Variants in SLC35F1 observed in about 807,000 individuals in gnomAD.
The protein encoded by SLC35F1 is solute carrier family 35 member F1, also known as chromosome 6 open reading frame 169.
A neutral mutation model predicts 48.7 loss-of-function variants in SLC35F1; 14 were observed. The observed-to-expected ratio is 0.29, with a 90% CI of 0.19 to 0.45. The LOEUF (loss-of-function observed/expected upper bound fraction) is 0.45, where lower values mean the gene tolerates loss of function less well. SLC35F1 is among the 20% of genes least tolerant of loss of function. SLC35F1 has a pLI of 1.00. For missense variants in SLC35F1, 404 were observed against 500.0 expected (o/e 0.81, Z 1.83); for synonymous variants, 190 against 202.2 (o/e 0.94, Z 0.51).
At chr6:118,259,166 A>T in intron 3 of SLC35F1, among the ~76,000 whole-genome samples, 1 of 152,034 alleles carries the variant, frequency 6.6e-6, no homozygotes, top group Middle Eastern at 3.4e-3. Flanking sequence ...CAGTAATCAC[A>T]TAACAAATTT....
chr6:117,958,009 A>G (rs559863904), intron 1 of SLC35F1, among the ~76,000 whole-genome samples: 22 of 152,280 alleles, frequency 1.4e-4, no homozygotes, highest in African/African-American at 4.8e-4. Flanking sequence ...CAGCTCTATG[A>G]GTGTTATTGC....
At chr6:118,001,535 C>G (rs927235462) in intron 1 of SLC35F1, among the ~76,000 whole-genome samples, 1 of 152,128 alleles carries the variant, frequency 6.6e-6, no homozygotes, top group African/African-American at 2.4e-5. Flanking sequence ...AGGACATAGG[C>G]ATGGGCAAGG....
At chr6:118,066,740 CTT>C (rs778659612) in intron 1 of SLC35F1, among the ~76,000 whole-genome samples, 2 of 125,136 alleles carry the variant, frequency 1.6e-5, no homozygotes, top group Admixed American at 8.3e-5. Flanking sequence ...GGCAGTAGTT[CTT>C]TTTTTTTTTT....
intron 1 of SLC35F1, among the ~76,000 whole-genome samples, chr6:118,081,616 C>A (rs1772909344): frequency 6.6e-6 from 1 of 152,146 alleles, no homozygotes; most frequent in Admixed American, 6.5e-5. Context: ...GCCTGGGTGA[C>A]AGAGCAAGAC....
intron 1 of SLC35F1, among the ~76,000 whole-genome samples, chr6:117,965,875 T>G (rs561862473): frequency 6.6e-6 from 1 of 152,114 alleles, no homozygotes; most frequent in African/African-American, 2.4e-5. Context: ...CAATCAGCGC[T>G]ATGTCTAACT....
intron 3 of SLC35F1, among the ~76,000 whole-genome samples, chr6:118,265,620 A>G (rs765958338): frequency 1.5e-4 from 23 of 152,198 alleles, no homozygotes; most frequent in Non-Finnish European, 2.1e-4. Flanking sequence ...TGTTCCATGT[A>G]GCAGAGGATG....
At chr6:118,252,377 G>A (rs1385092737) in intron 3 of SLC35F1, among the ~76,000 whole-genome samples, 2 of 152,046 alleles carry the variant, frequency 1.3e-5, no homozygotes, top group Non-Finnish European at 2.9e-5. Context: ...AGGGGATAGG[G>A]GAAGTTGGAA....
chr6:117,993,715 C>T (rs1449753516), intron 1 of SLC35F1, among the ~76,000 whole-genome samples: 2 of 152,148 alleles, frequency 1.3e-5, no homozygotes, highest in African/African-American at 4.8e-5. Context: ...CAGTTGTCTT[C>T]CTGCTTCTTT....
intron 1 of SLC35F1, among the ~76,000 whole-genome samples, chr6:118,136,575 C>A (rs1241296749): frequency 1.3e-5 from 2 of 152,218 alleles, no homozygotes; most frequent in Admixed American, 6.5e-5. Flanking sequence ...CTCATTAACG[C>A]ATCTCCTTCT....
intron 1 of SLC35F1, among the ~76,000 whole-genome samples, chr6:118,007,838 G>A (rs139649209): frequency 2.0e-5 from 3 of 152,060 alleles, no homozygotes; most frequent in African/African-American, 7.2e-5. Flanking sequence ...TTTAGGTTGA[G>A]CTGCAGTTCT....
chr6:118,225,891 A>AAG (rs56929646), intron 2 of SLC35F1, among the ~76,000 whole-genome samples: 10 of 151,426 alleles, frequency 6.6e-5, no homozygotes, highest in African/African-American at 2.2e-4. Flanking sequence ...AAAAAAAAAA[A>AAG]TCTTCACAGC....
chr6:117,933,515 TATAA>T (rs899470418), intron 1 of SLC35F1, among the ~76,000 whole-genome samples: 1 of 152,214 alleles, frequency 6.6e-6, no homozygotes, highest in Non-Finnish European at 1.5e-5. Context: ...TAGTGGAGAA[TATAA>T]ATCCACGTAA....
Position 118,154,500 on chromosome 6 carries a change from A to G in SLC35F1, c.229A>G (p.Ile77Val), listed in dbSNP as rs1329673474. 3 of 1,613,952 alleles carry G rather than the reference A, an allele frequency of 1.9e-6. No individual in the cohort carries two copies. Among genetic ancestry groups the G allele is most frequent in the Non-Finnish European group, 2.5e-6 (3 of 1,179,912 alleles). ...GGTGTTATCCCTCCTTATTTGTGGA[A>G]TTGGCTTGACTAGCAAGTATCTGTC... Reference protein sequence around the residue: ...GQVLSLLICGIGLTSKYLSED... With the variant: ...GQVLSLLICGVGLTSKYLSED... The change falls in exon 2 of 8, where the codon ATT (isoleucine) becomes GTT (valine). Residue 77 changes from isoleucine to valine, a missense_variant. Physicochemically the swap from Ile to Val is conservative, Grantham distance 29. Transcript: ENST00000360388.
intron 1 of SLC35F1, among the ~76,000 whole-genome samples, chr6:117,915,724 T>C (rs1222346619): frequency 6.6e-6 from 1 of 152,154 alleles, no homozygotes; most frequent in African/African-American, 2.4e-5. Flanking sequence ...AGAAATGACA[T>C]GATCAGAGAT....
At chr6:118,103,626 A>G (rs980690260) in intron 1 of SLC35F1, among the ~76,000 whole-genome samples, 1 of 152,196 alleles carries the variant, frequency 6.6e-6, no homozygotes, top group Non-Finnish European at 1.5e-5. Flanking sequence ...AATGAATCCA[A>G]GAGTGTGTTT....
intron 1 of SLC35F1, among the ~76,000 whole-genome samples, chr6:117,923,680 T>TATAC (rs1554216706): frequency 8.9e-5 from 1 of 11,290 alleles, no homozygotes; most frequent in East Asian, 2.9e-3. Context: ...TATATGTACA[T>TATAC]ATATACATAT....
intron 2 of SLC35F1, among the ~76,000 whole-genome samples, chr6:118,188,288 G>T (rs906405524): frequency 6.6e-6 from 1 of 152,190 alleles, no homozygotes; most frequent in Admixed American, 6.5e-5. Context: ...GGTGGCTCAC[G>T]CCTGTAATCC....
chr6:117,922,703 G>T lies in SLC35F1; in HGVS notation c.173+14804G>T, dbSNP rs544904007. 4.6e-5 allele frequency among the ~76,000 whole-genome samples: 7 copies of T among 152,334 alleles called. No individual in the cohort carries two copies. The South Asian group carries it at 1.4e-3, about 32-fold the overall frequency. On this transcript the variant is annotated intron_variant, in intron 1 of 7. Transcript: ENST00000360388. The stretch of plus-strand genomic sequence containing the variant: ...CATGGGACATTGGACATTAGGACAG[G>T]TCTGATTGCAGTGCTACATGCTTGT...
chr6:118,167,978 A>G (rs1385962064), intron 2 of SLC35F1, among the ~76,000 whole-genome samples: 2 of 152,192 alleles, frequency 1.3e-5, no homozygotes, highest in Admixed American at 1.3e-4. Context: ...TATTCACAGC[A>G]GAATAATTCA....
Sources: allele counts gnomAD v4.1 joint callset (sites outside exome capture counted in the v4.1 genomes callset), GRCh38; gene constraint gnomAD v4.1.1; transcripts MANE v1.5; gene names NCBI Gene and HGNC (gene_info 2026-07-23, HGNC 2026-07-21).